The following ARFGEF3 variants were observed in gnomAD, a reference collection of about 807,000 sequenced individuals.
The protein encoded by ARFGEF3 is ARFGEF family member 3.
In ARFGEF3, 96 loss-of-function variants were observed where a neutral mutation model predicts 221.7. That is an observed-to-expected ratio of 0.43 (90% confidence interval 0.37 to 0.51). The LOEUF (loss-of-function observed/expected upper bound fraction) is 0.51. ARFGEF3 is among the 20% of genes least tolerant of loss of function. ARFGEF3 has a pLI of 0.00. For missense variants in ARFGEF3, 2,410 were observed against 2,789.9 expected (o/e 0.86, Z 3.07); for synonymous variants, 1,145 against 1,126.8 (o/e 1.02, Z -0.32).
At chr6:138,178,570 A>G (rs977865723) in intron 2 of ARFGEF3, among the ~76,000 whole-genome samples, 1 of 152,068 alleles carries the variant, frequency 6.6e-6, no homozygotes, top group Non-Finnish European at 1.5e-5. Flanking sequence ...CTCATCAACC[A>G]CGTTGGCAGT....
chr6:138,286,937 C>G (rs1398473609), intron 16 of ARFGEF3, 21 bp downstream of exon 16: 1 of 1,610,468 alleles, frequency 6.2e-7, no homozygotes, highest in East Asian at 2.2e-5. Flanking sequence ...GAGTAGTGTT[C>G]CCTGGCCGTG....
intron 14 of ARFGEF3, among the ~76,000 whole-genome samples, chr6:138,285,454 CA>C (rs5880380): frequency 0.15 from 12,098 of 81,174 alleles, 606 homozygotes; most frequent in African/African-American, 0.26. Flanking sequence ...ACTCCCGTCT[CA>C]AAAAAAAAAA....
chr6:138,198,866 T>A (rs1298711072), intron 2 of ARFGEF3, among the ~76,000 whole-genome samples: 9 of 152,270 alleles, frequency 5.9e-5, no homozygotes, highest in Non-Finnish European at 4.4e-5. Context: ...TTTAAAGCAG[T>A]GTGCCCTACG....
intron 15 of ARFGEF3, 68 bp from the exon 16 acceptor site, chr6:138,286,633 A>C (rs1583049852): frequency 8.0e-7 from 1 of 1,249,688 alleles, no homozygotes; most frequent in East Asian, 2.3e-5. Context: ...TAGCAAGAGA[A>C]TGTGATGTCA....
rs189640927 is a variant in ARFGEF3 at position 138,311,063 on chromosome 6, C to T, written c.4097-344C>T. Among the ~76,000 whole-genome samples, 185 of 152,240 alleles carry T rather than the reference C, an allele frequency of 1.2e-3. 1 individual carries two copies. Among genetic ancestry groups the T allele is most frequent in the Admixed American group, 2.4e-3 (36 of 15,296 alleles). ...TCCCAGAAATGTCATTTACCATGTGCCCATGTACAAAGGAACACCATCCAG... is the reference window on the plus strand; with the variant it reads ...TCCCAGAAATGTCATTTACCATGTGTCCATGTACAAAGGAACACCATCCAG... On this transcript the variant is annotated intron_variant, in intron 24 of 33. Transcript: ENST00000251691.
chr6:138,170,187 T>A (rs563788998), intron 1 of ARFGEF3, among the ~76,000 whole-genome samples: 2 of 152,350 alleles, frequency 1.3e-5, no homozygotes, highest in South Asian at 2.1e-4. Flanking sequence ...TGTAATTTTT[T>A]AAAAAAAGTT....
chr6:138,222,750 T>C (rs891328611), intron 4 of ARFGEF3, among the ~76,000 whole-genome samples: 2 of 152,198 alleles, frequency 1.3e-5, no homozygotes, highest in Non-Finnish European at 2.9e-5. Flanking sequence ...GCTTTAGGGG[T>C]ACAAGTGGCT....
rs559059397 is a variant in ARFGEF3, at chr6:138,206,833, A to G, written c.138-209A>G. On this transcript the variant is annotated intron_variant, in intron 2 of 33. Coordinates refer to ENST00000251691, the MANE Select transcript of ARFGEF3 (RefSeq NM_020340.5). ...CTTTGTGTTTGCTCTTCCTGTAGCC[A>G]TACCAAGAAGGCAAGGGGTTGATGG... Among the ~76,000 whole-genome samples the G allele has an allele frequency of 2.0e-5, 3 of 152,362 alleles. No individual in the cohort carries two copies. In the East Asian group the frequency reaches 5.8e-4, roughly 29 times the overall value.
Position 138,291,961 on chromosome 6 carries a change from C to G in ARFGEF3, c.3276C>G (p.Ser1092Arg), listed in dbSNP as rs1286687741. 6.5e-7 allele frequency: 1 copy of G among 1,531,678 alleles called. No individual in the cohort carries two copies. The highest frequency in any genetic ancestry group is 1.4e-5 in the African/African-American group (1 of 71,388). The allele number at this position is 1,531,678 out of a possible 1,614,324, so 94.9% of individuals were successfully genotyped here. Residue 1092 changes from serine to arginine, a missense_variant, in exon 19 of 34, where the codon AGC (serine) becomes AGG (arginine). Physicochemically the swap from Ser to Arg is moderately radical, Grantham distance 110 (BLOSUM62 -1). This residue lies in a region of ARFGEF3 where 184 missense variants were observed against 141.8 expected (regional missense o/e 1.30). Coordinates refer to ENST00000251691, the MANE Select transcript of ARFGEF3 (RefSeq NM_020340.5). This position sits in a 1 kb window ranked among gnomAD's most constrained non-coding sequence, Gnocchi z 4.5. ...TCCAGGACCTCGTCCGGGAAGGCAG[C>G]CGGGGTCGGGCCTCCGACTTCCGCG... ...LSIQDLVREG[S>R]RGRASDFRGG...
Position 138,311,433 on chromosome 6 carries a change from G to A in ARFGEF3, c.4123G>A (p.Asp1375Asn). 1 of 1,608,468 alleles carries A rather than the reference G, an allele frequency of 6.2e-7. No individual in the cohort carries two copies. The highest frequency in any genetic ancestry group is 8.5e-7 in the Non-Finnish European group (1 of 1,177,810). Residue 1375 changes from aspartate (D) to asparagine (N), a missense_variant, in exon 25 of 34, where the codon GAC becomes AAC. Asp to Asn is a conservative substitution (Grantham distance 23). Transcript: ENST00000251691. ...GGAGGTGGACTGTAAAGAGATTGGAGACTGTGCCCCAGCACCCGGAGCCCC... is the reference window on the plus strand; with the variant it reads ...GGAGGTGGACTGTAAAGAGATTGGAAACTGTGCCCCAGCACCCGGAGCCCC... ...LGEVDCKEIG[D>N]CAPAPGAPST...
intron 12 of ARFGEF3, among the ~76,000 whole-genome samples, chr6:138,269,819 A>G (rs189560305): frequency 5.3e-5 from 7 of 132,984 alleles, no homozygotes; most frequent in South Asian, 4.2e-4. Flanking sequence ...AAAAAAGAAG[A>G]AAAAAAAAGG....
chr6:138,173,494 G>C (rs7771239), intron 2 of ARFGEF3, among the ~76,000 whole-genome samples: 13 of 152,180 alleles, frequency 8.5e-5, no homozygotes, highest in Non-Finnish European at 2.9e-5. Flanking sequence ...CAACAGAAGA[G>C]GTTTCTGCTC....
At chr6:138,319,271 G>A (rs1158758972) in intron 27 of ARFGEF3, among the ~76,000 whole-genome samples, 1 of 138,598 alleles carries the variant, frequency 7.2e-6, no homozygotes. Context: ...AAACACTATT[G>A]TTAAGTTAAA....
chr6:138,209,766 C>A, intron 3 of ARFGEF3, 144 bp from the exon 4 acceptor site: 2 of 1,003,554 alleles, frequency 2.0e-6, no homozygotes, highest in Non-Finnish European at 2.9e-6. Flanking sequence ...TTTTTAACGG[C>A]ACATAGCGTA....
intron 13 of ARFGEF3, 118 bp downstream of exon 13, chr6:138,278,735 G>A: frequency 9.5e-7 from 1 of 1,055,398 alleles, no homozygotes; most frequent in East Asian, 2.5e-5. Context: ...GACTGCTCTA[G>A]GTTGGTAATG....
chr6:138,325,289 A>G (rs1431397938), intron 31 of ARFGEF3, among the ~76,000 whole-genome samples: 2 of 152,172 alleles, frequency 1.3e-5, no homozygotes, highest in Non-Finnish European at 2.9e-5. Context: ...GGATCCCCTG[A>G]TTACCCATGT....
intron 17 of ARFGEF3, among the ~76,000 whole-genome samples, chr6:138,287,997 A>G (rs1226937350): frequency 6.6e-6 from 1 of 152,172 alleles, no homozygotes; most frequent in African/African-American, 2.4e-5. Context: ...GTATTTTACA[A>G]CCATGAACTA....
intron 2 of ARFGEF3, among the ~76,000 whole-genome samples, chr6:138,198,063 T>G (rs1777464497): frequency 6.6e-6 from 1 of 152,216 alleles, no homozygotes; most frequent in Admixed American, 6.5e-5. Context: ...TATATACATG[T>G]GTGCTTTTTA....
At chr6:138,174,469 T>TAAAAAAAAAAAAA (rs35236693) in intron 2 of ARFGEF3, among the ~76,000 whole-genome samples, 2 of 25,302 alleles carry the variant, frequency 7.9e-5, no homozygotes, top group African/African-American at 2.8e-4. Context: ...GAGCATCTGC[T>TAAAAAAAAAAAAA]AAAAAAAAAA....
Sources: gnomAD v4.1 joint callset for allele counts (sites outside exome capture counted in the v4.1 genomes callset) on GRCh38, gnomAD v4.1.1 for gene constraint, gnomAD v4.1.1 regional missense constraint, Gnocchi (gnomAD v3.1) non-coding constraint, MANE v1.5 for transcripts, NCBI Gene and HGNC (gene_info 2026-07-23, HGNC 2026-07-21) for gene names.